Variants in SGCE observed in about 807,000 individuals in gnomAD.
The protein encoded by SGCE is epsilon-sarcoglycan.
Under a neutral mutation model 57.8 loss-of-function variants are expected in SGCE, and 26 were observed. The observed-to-expected ratio is 0.45, with a 90% CI of 0.33 to 0.62. The LOEUF (loss-of-function observed/expected upper bound fraction) is 0.62, where lower values mean the gene tolerates loss of function less well. Among genes scored for constraint, SGCE ranks in the 20% least tolerant of loss-of-function variants. The pLI is 0.02. For missense variants in SGCE, 468 were observed against 548.6 expected (o/e 0.85, Z 1.47); for synonymous variants, 183 against 189.5 (o/e 0.97, Z 0.28).
At chr7:94,626,691 CT>C (rs1382271596) in intron 3 of SGCE, 1 of 151,716 alleles carries the variant, frequency 6.6e-6, no homozygotes, top group Non-Finnish European at 1.5e-5. Context: ...CTTTTTCTTT[CT>C]TTACTGTACT....
At chr7:94,652,099 G>C (rs1302918489) in intron 1 of SGCE, among the ~76,000 whole-genome samples, 1 of 151,982 alleles carries the variant, frequency 6.6e-6, no homozygotes, top group Non-Finnish European at 1.5e-5. Flanking sequence ...GTCTGTCTCT[G>C]CTGGGGAGGT....
intron 1 of SGCE, among the ~76,000 whole-genome samples, chr7:94,646,829 T>C (rs895668109): frequency 5.3e-5 from 8 of 152,250 alleles, no homozygotes; most frequent in Non-Finnish European, 7.3e-5. Flanking sequence ...CTTTAAATTG[T>C]TATTAATTTC....
chr7:94,650,005 A>G (rs115177698), intron 1 of SGCE, among the ~76,000 whole-genome samples: 172 of 152,326 alleles, frequency 1.1e-3, no homozygotes, highest in African/African-American at 3.8e-3. Flanking sequence ...TTAAGAAATC[A>G]TATTTTCAAA....
chr7:94,646,317 G>T (rs1807067036), intron 1 of SGCE, among the ~76,000 whole-genome samples: 1 of 152,230 alleles, frequency 6.6e-6, no homozygotes, highest in Admixed American at 6.5e-5. Context: ...TGAGTGGAAA[G>T]TTAAACGTTC....
At chr7:94,615,816 C>T (rs991742509) in intron 5 of SGCE, among the ~76,000 whole-genome samples, 2 of 152,142 alleles carry the variant, frequency 1.3e-5, no homozygotes, top group Admixed American at 6.6e-5. Context: ...CCATGACATG[C>T]CTGGAATGAA....
rs1002189197 is a variant in SGCE at position 94,627,913 on chromosome 7, C to T, written c.390+289G>A. 3 of 347,222 alleles carry T rather than the reference C, an allele frequency of 8.6e-6. No individual in the cohort carries two copies. The Admixed American group carries it at 1.2e-4, about 14-fold the overall frequency. 21.5% of individuals were successfully genotyped at this position (347,222 alleles called of 1,614,324 possible). A position where few individuals can be genotyped will look rare whatever the true frequency, so the allele number is the denominator to read the frequency against. ...AGAGCAAATAAGTCTATCAAGTCTA[C>T]AATTATTTTCTCAAATAGAATTCAT... On this transcript the variant is annotated intron_variant, in intron 3 of 10. Coordinates refer to ENST00000648936, the MANE Select transcript of SGCE (RefSeq NM_003919.3).
chr7:94,597,964 T>G lies in SGCE; in HGVS notation c.1253+811A>C, dbSNP rs10247562. The G allele has an allele frequency of 0.77, 126,637 of 163,502 alleles. 49,920 individuals carry two copies. The highest frequency in any genetic ancestry group is 0.92 in the African/African-American group (38,177 of 41,430). 10.1% of individuals were successfully genotyped at this position (163,502 alleles called of 1,614,324 possible). On this transcript the variant is annotated intron_variant, in intron 9 of 10. Transcript: ENST00000648936. ...GGAGGCTGCAGTGAGCCAAGATCGC[T>G]CCATTGCACTCCAGCCTGGGCAACA... is the stretch of plus-strand genomic sequence containing the variant.
At chr7:94,639,338 C>T in intron 1 of SGCE, 1 of 1,514,402 alleles carries the variant, frequency 6.6e-7, no homozygotes, top group Non-Finnish European at 8.9e-7. Context: ...AACCTAAACT[C>T]ACCATCTTTC....
intron 1 of SGCE, among the ~76,000 whole-genome samples, chr7:94,637,414 G>A (rs1805742266): frequency 6.6e-6 from 1 of 152,170 alleles, no homozygotes; most frequent in Admixed American, 6.5e-5. Context: ...AAGCTAAACT[G>A]AAGAAATAAG....
rs749002238 is a variant in SGCE at position 94,605,856 on chromosome 7, GAC to G, written c.663-2406_663-2405del. On this transcript the variant is annotated intron_variant, in intron 5 of 10. Transcript: ENST00000648936. Reference sequence around the variant, plus strand: ...TATTTTATTTTTATTTTATTTTTGAGACACAGTCTCGCCCTGTCACCCAGGCT... The same window carrying G: ...TATTTTATTTTTATTTTATTTTTGAGACAGTCTCGCCCTGTCACCCAGGCT... 2.3e-4 allele frequency among the ~76,000 whole-genome samples: 35 copies of G among 152,106 alleles called. 1 individual carries two copies. In the South Asian group the frequency reaches 4.4e-3, roughly 19 times the overall value.
Position 94,585,280 on chromosome 7 carries a change from A to C in SGCE, c.*219T>G. The C allele has an allele frequency of 8.2e-6, 4 of 488,256 alleles. No homozygotes were observed. In the South Asian group the frequency reaches 1.7e-4, roughly 21 times the overall value. The allele number at this position is 488,256 out of a possible 1,614,324, so 30.2% of individuals were successfully genotyped here. A position where few individuals can be genotyped will look rare whatever the true frequency, so the allele number is the denominator to read the frequency against. ...ATCAACTTTTATTGTAACAAATATA[A>C]AGTCATCAATGTTTTACAAATTGTC... On this transcript the variant is annotated 3_prime_UTR_variant, in exon 11 of 11. Transcript: ENST00000648936.
intron 1 of SGCE, among the ~76,000 whole-genome samples, chr7:94,646,208 C>T (rs1807047763): frequency 6.6e-6 from 1 of 152,172 alleles, no homozygotes; most frequent in Non-Finnish European, 1.5e-5. Context: ...TATTCTGACT[C>T]TCATAAGCTT....
chr7:94,597,040 A>G (rs1798502154), intron 9 of SGCE, among the ~76,000 whole-genome samples: 1 of 152,138 alleles, frequency 6.6e-6, no homozygotes, highest in Admixed American at 6.6e-5. Flanking sequence ...TTTTCTCATC[A>G]GTATCTAATC....
intron 10 of SGCE, 107 bp downstream of exon 10, chr7:94,588,582 T>C: frequency 6.5e-7 from 1 of 1,548,556 alleles, no homozygotes; most frequent in Non-Finnish European, 8.7e-7. Flanking sequence ...ACAAGTGTTT[T>C]GCCTTATTTG....
At chr7:94,609,148 TTGCAAAA>T (rs1218324780) in intron 5 of SGCE, among the ~76,000 whole-genome samples, 1 of 152,180 alleles carries the variant, frequency 6.6e-6, no homozygotes, top group Admixed American at 6.5e-5. Flanking sequence ...AAGGAAATAT[TTGCAAAA>T]TGCATATCTG....
intron 5 of SGCE, among the ~76,000 whole-genome samples, chr7:94,613,930 A>G (rs745965266): frequency 2.0e-5 from 3 of 152,094 alleles, no homozygotes; most frequent in Non-Finnish European, 2.9e-5. Context: ...AAAAAGTAAG[A>G]TACAAAATAA....
intron 1 of SGCE, among the ~76,000 whole-genome samples, chr7:94,654,490 A>G (rs1261951579): frequency 6.6e-6 from 1 of 152,244 alleles, no homozygotes; most frequent in Non-Finnish European, 1.5e-5. Context: ...GAATTATTCT[A>G]TCTTGCAGAA....
At chr7:94,612,713 A>G (rs1318626115) in intron 5 of SGCE, among the ~76,000 whole-genome samples, 5 of 152,134 alleles carry the variant, frequency 3.3e-5, no homozygotes, top group African/African-American at 1.2e-4. Context: ...TTTCATCTCT[A>G]CTTGGATGAT....
intron 1 of SGCE, among the ~76,000 whole-genome samples, chr7:94,636,738 A>C (rs1805638779): frequency 6.6e-6 from 1 of 152,190 alleles, no homozygotes; most frequent in South Asian, 2.1e-4. Context: ...TATTTACAGA[A>C]GAAGTACCAT....
Sources: allele counts gnomAD v4.1 joint callset (sites outside exome capture counted in the v4.1 genomes callset), GRCh38; gene constraint gnomAD v4.1.1; transcripts MANE v1.5; gene names NCBI Gene and HGNC (gene_info 2026-07-23, HGNC 2026-07-21).